TSPAN13: variants seen among roughly 807,000 people sequenced by gnomAD.
TSPAN13 encodes the protein tetraspanin-13.
In TSPAN13, 18 loss-of-function variants were observed where a neutral mutation model predicts 26.9. The ratio of observed to expected loss-of-function variants is 0.67; its 90% CI spans 0.46 to 0.99. The LOEUF is 0.99. Ranked by LOEUF, TSPAN13 falls within the 50% of genes least tolerant of loss-of-function variation. The probability of loss-of-function intolerance (pLI) is 0.00; values close to 1 mark genes in which losing one functional copy is unlikely to be tolerated. For missense variants in TSPAN13, 201 were observed against 249.6 expected (o/e 0.81, Z 1.31); for synonymous variants, 116 against 98.4 (o/e 1.18, Z -1.06).
intron 1 of TSPAN13, among the ~76,000 whole-genome samples, chr7:16,766,726 A>G (rs75865589): frequency 0.011 from 1,659 of 152,310 alleles, 21 homozygotes; most frequent in African/African-American, 0.037. Context: ...TTTGGGAGAT[A>G]GTGGGAGCTA....
chr7:16,776,114 G>T (rs1290814844), intron 1 of TSPAN13, 97 bp from the exon 2 acceptor site: 16 of 1,188,838 alleles, frequency 1.3e-5, no homozygotes, highest in Non-Finnish European at 1.5e-5. Context: ...CTACGTAGGT[G>T]CCTGAAGGAT....
At chr7:16,771,585 T>C (rs929821829) in intron 1 of TSPAN13, among the ~76,000 whole-genome samples, 3 of 152,154 alleles carry the variant, frequency 2.0e-5, no homozygotes, top group Non-Finnish European at 4.4e-5. Context: ...TGCTCCTGGC[T>C]TTGAAGACAG....
intron 1 of TSPAN13, among the ~76,000 whole-genome samples, chr7:16,759,569 C>A (rs984738981): frequency 5.3e-5 from 8 of 152,178 alleles, no homozygotes; most frequent in South Asian, 2.1e-4. Flanking sequence ...AGGCAAATAT[C>A]CAAACTGTAT....
chr7:16,754,605 T>A (rs762096753), intron 1 of TSPAN13, among the ~76,000 whole-genome samples: 5 of 152,176 alleles, frequency 3.3e-5, no homozygotes, highest in African/African-American at 1.2e-4. Flanking sequence ...GGGATGTCTT[T>A]TTGTTTTTGT....
chr7:16,753,893 AG>A lies in TSPAN13; in HGVS notation c.-73del. On this transcript the variant is annotated 5_prime_UTR_variant, in exon 1 of 6. Coordinates refer to ENST00000262067, the MANE Select transcript of TSPAN13 (RefSeq NM_014399.4). ...CCGCCTGGGCCAGGCCCCAAAGGCA[AG>A]GACAAAGCAGCTGTCAGGGAACCTC... 1 of 1,489,560 alleles carries A rather than the reference AG, an allele frequency of 6.7e-7. No individual in the cohort carries two copies. The highest frequency in any genetic ancestry group is 1.2e-5 in the South Asian group (1 of 83,726). The allele number at this position is 1,489,560 out of a possible 1,614,324, so 92.3% of individuals were successfully genotyped here. A position where few individuals can be genotyped will look rare whatever the true frequency, so the allele number is the denominator to read the frequency against.
intron 1 of TSPAN13, among the ~76,000 whole-genome samples, chr7:16,772,731 C>T (rs537942355): frequency 2.3e-3 from 348 of 152,264 alleles, no homozygotes; most frequent in Admixed American, 5.6e-3. Context: ...CGCGGTGGCT[C>T]ATGCCTGTAA....
chr7:16,775,064 G>A (rs1784726549), intron 1 of TSPAN13, among the ~76,000 whole-genome samples: 1 of 152,094 alleles, frequency 6.6e-6, no homozygotes, highest in Admixed American at 6.5e-5. Flanking sequence ...AGTTTATCAG[G>A]CTTTTAAATG....
At chr7:16,763,035 A>AC (rs1477822424) in intron 1 of TSPAN13, among the ~76,000 whole-genome samples, 1 of 151,822 alleles carries the variant, frequency 6.6e-6, no homozygotes, top group African/African-American at 2.4e-5. Flanking sequence ...CCACCCTTAA[A>AC]CCCCCCACCT....
intron 1 of TSPAN13, among the ~76,000 whole-genome samples, chr7:16,756,159 G>A (rs1014581953): frequency 1.3e-5 from 2 of 152,148 alleles, no homozygotes; most frequent in African/African-American, 4.8e-5. Flanking sequence ...AATGTGCCAT[G>A]GCCATTATTT....
chr7:16,765,732 T>C (rs1056326797), intron 1 of TSPAN13, among the ~76,000 whole-genome samples: 2 of 152,224 alleles, frequency 1.3e-5, no homozygotes, highest in Non-Finnish European at 2.9e-5. Flanking sequence ...ACATAATTCC[T>C]TTTTATCAGC....
At chr7:16,762,337 A>G (rs1784551390) in intron 1 of TSPAN13, among the ~76,000 whole-genome samples, 1 of 152,234 alleles carries the variant, frequency 6.6e-6, no homozygotes, top group Admixed American at 6.5e-5. Flanking sequence ...ACTCTTAGCC[A>G]GGTGCTAGGA....
chr7:16,783,212 C>A (rs1352117143), intron 5 of TSPAN13, among the ~76,000 whole-genome samples: 1 of 152,110 alleles, frequency 6.6e-6, no homozygotes, highest in Admixed American at 6.6e-5. Context: ...GCCAGTCATT[C>A]AGTTTACCAC....
chr7:16,755,119 A>G (rs745435662), intron 1 of TSPAN13, among the ~76,000 whole-genome samples: 3 of 151,908 alleles, frequency 2.0e-5, no homozygotes, highest in Non-Finnish European at 4.4e-5. Context: ...CCTTCTATAA[A>G]TATACCTGGC....
intron 4 of TSPAN13, among the ~76,000 whole-genome samples, chr7:16,778,543 A>G (rs1366364075): frequency 1.3e-5 from 2 of 152,110 alleles, no homozygotes; most frequent in African/African-American, 4.8e-5. Flanking sequence ...TGGTTGTTGG[A>G]AGAATTCAGT....
intron 1 of TSPAN13, among the ~76,000 whole-genome samples, chr7:16,768,399 T>C (rs1454739090): frequency 1.3e-5 from 2 of 152,186 alleles, no homozygotes; most frequent in African/African-American, 4.8e-5. Context: ...CTCTATCCCT[T>C]CCTTACTGTC....
chr7:16,772,516 G>A (rs1001538392), intron 1 of TSPAN13, among the ~76,000 whole-genome samples: 3 of 152,156 alleles, frequency 2.0e-5, no homozygotes, highest in African/African-American at 7.2e-5. Flanking sequence ...GGCATTCCTT[G>A]TGGCTGCATT....
chr7:16,757,065 T>C (rs1325612383), intron 1 of TSPAN13, among the ~76,000 whole-genome samples: 1 of 152,148 alleles, frequency 6.6e-6, no homozygotes, highest in East Asian at 1.9e-4. Flanking sequence ...AAATGCATTG[T>C]GAAGACAGGA....
Position 16,753,810 on chromosome 7 carries a change from G to A in TSPAN13, c.-158G>A. 1 of 638,646 alleles carries A rather than the reference G, an allele frequency of 1.6e-6. No homozygotes were observed. The highest frequency in any genetic ancestry group is 2.5e-6 in the Non-Finnish European group (1 of 399,282). 39.6% of individuals were successfully genotyped at this position (638,646 alleles called of 1,614,324 possible). ...AAGCGGGTCCGAGCCGCCGCCGCGC[G>A]CGCGCCGCGCACTGCAGCCCCAGGC... On this transcript the variant is annotated 5_prime_UTR_variant, in exon 1 of 6. Transcript: ENST00000262067.
At chr7:16,761,961 T>A (rs1188901652) in intron 1 of TSPAN13, among the ~76,000 whole-genome samples, 1 of 152,198 alleles carries the variant, frequency 6.6e-6, no homozygotes, top group Non-Finnish European at 1.5e-5. Context: ...GTTGCGTTAG[T>A]GCTAACAAAA....
Sources: gnomAD v4.1 joint callset for allele counts (sites outside exome capture counted in the v4.1 genomes callset) on GRCh38, gnomAD v4.1.1 for gene constraint, MANE v1.5 for transcripts, NCBI Gene and HGNC (gene_info 2026-07-23, HGNC 2026-07-21) for gene names.